Variants in PTPRD observed in about 807,000 individuals in gnomAD.
The protein encoded by PTPRD is protein tyrosine phosphatase receptor type D.
A neutral mutation model predicts 214.5 loss-of-function variants in PTPRD; 34 were observed. The observed-to-expected ratio is 0.16, with a 90% CI of 0.12 to 0.21. PTPRD has a LOEUF of 0.21. PTPRD is among the 10% of genes least tolerant of loss of function. The pLI, the probability that PTPRD is intolerant of heterozygous loss-of-function variation, is 1.00. For missense variants in PTPRD, 2,545 were observed against 2,398.7 expected, an observed-to-expected ratio of 1.06 and a Z score of -1.27; for synonymous variants, 1,128 against 845.7, an observed-to-expected ratio of 1.33 and a Z score of -5.79.
intron 11 of PTPRD, among the ~76,000 whole-genome samples, chr9:8,777,918 A>C (rs2095548810): frequency 6.6e-6 from 1 of 152,218 alleles, no homozygotes; most frequent in Non-Finnish European, 1.5e-5. Flanking sequence ...TCTATACAAC[A>C]GAAGAAATTT....
intron 2 of PTPRD, among the ~76,000 whole-genome samples, chr9:10,449,522 C>T (rs896461944): frequency 3.4e-4 from 49 of 144,934 alleles, no homozygotes; most frequent in Non-Finnish European, 5.5e-4. Context: ...GTGAGGAGCC[C>T]CTCTGCCCAG....
At chr9:10,054,551 T>C (rs1206257154) in intron 3 of PTPRD, among the ~76,000 whole-genome samples, 2 of 152,130 alleles carry the variant, frequency 1.3e-5, no homozygotes, top group Non-Finnish European at 2.9e-5. Flanking sequence ...CCTTTTGAGA[T>C]GTGAATCTCC....
intron 3 of PTPRD, among the ~76,000 whole-genome samples, chr9:10,223,777 G>A (rs1267503949): frequency 6.6e-6 from 1 of 150,384 alleles, no homozygotes; most frequent in Non-Finnish European, 1.5e-5. Context: ...GGTAACAGAA[G>A]CAAAAGAAAA....
chr9:10,523,070 T>C (rs1158378065), intron 2 of PTPRD, among the ~76,000 whole-genome samples: 6 of 152,084 alleles, frequency 3.9e-5, no homozygotes, highest in Non-Finnish European at 2.9e-5. Flanking sequence ...GGATGTATAA[T>C]TAATGCAGCC....
At chr9:9,432,821 C>A (rs2083727365) in intron 8 of PTPRD, among the ~76,000 whole-genome samples, 1 of 152,110 alleles carries the variant, frequency 6.6e-6, no homozygotes, top group South Asian at 2.1e-4. Context: ...TCTTATATTT[C>A]CTGTGGCATA....
intron 14 of PTPRD, among the ~76,000 whole-genome samples, chr9:8,555,522 T>C (rs550838278): frequency 8.5e-5 from 13 of 152,382 alleles, no homozygotes; most frequent in Middle Eastern, 6.8e-3. Context: ...TATTTCCCCA[T>C]GGGTAATTTG....
At chr9:9,966,891 G>T (rs2094742480) in intron 4 of PTPRD, among the ~76,000 whole-genome samples, 1 of 152,162 alleles carries the variant, frequency 6.6e-6, no homozygotes, top group Admixed American at 6.5e-5. Flanking sequence ...CATTTCCATT[G>T]TAGCAGGCAT....
chr9:9,713,077 T>C (rs1328280689), intron 7 of PTPRD, among the ~76,000 whole-genome samples: 2 of 152,202 alleles, frequency 1.3e-5, no homozygotes, highest in Non-Finnish European at 2.9e-5. Context: ...AATAATTGTA[T>C]ATGGGCAAGA....
intron 8 of PTPRD, among the ~76,000 whole-genome samples, chr9:9,407,072 T>G (rs529432237): frequency 5.9e-5 from 9 of 151,744 alleles, no homozygotes; most frequent in South Asian, 2.1e-4. Flanking sequence ...TAAAATACTG[T>G]TTTTGGATAA....
chr9:10,097,651 G>T (rs1001461946), intron 3 of PTPRD, among the ~76,000 whole-genome samples: 2 of 151,636 alleles, frequency 1.3e-5, no homozygotes, highest in African/African-American at 4.8e-5. Flanking sequence ...GAGACGATGG[G>T]GTTTTCTAGA....
chr9:9,260,037 G>C (rs181212632), intron 9 of PTPRD, among the ~76,000 whole-genome samples: 1 of 151,986 alleles, frequency 6.6e-6, no homozygotes, highest in African/African-American at 2.4e-5. Context: ...TCAGATAATG[G>C]AGAGAATGCC....
intron 35 of PTPRD, among the ~76,000 whole-genome samples, chr9:8,415,595 C>A (rs1250358835): frequency 6.6e-6 from 1 of 151,934 alleles, no homozygotes; most frequent in Non-Finnish European, 1.5e-5. Flanking sequence ...TTACACAATT[C>A]AACCATGATA....
At chr9:9,200,565 A>C (rs1042003705) in intron 9 of PTPRD, among the ~76,000 whole-genome samples, 45 of 152,210 alleles carry the variant, frequency 3.0e-4, no homozygotes, top group African/African-American at 1.0e-3. Context: ...TCAGAGAATA[A>C]AGCAATTTGC....
chr9:10,022,503 G>T (rs1052720532), intron 4 of PTPRD, among the ~76,000 whole-genome samples: 4 of 152,016 alleles, frequency 2.6e-5, no homozygotes, highest in African/African-American at 9.7e-5. Flanking sequence ...TTAGGTTGAT[G>T]CAAAAGTAAT....
chr9:8,805,903 G>C (rs1360289994), intron 11 of PTPRD, among the ~76,000 whole-genome samples: 1 of 148,062 alleles, frequency 6.8e-6, no homozygotes, highest in Non-Finnish European at 1.5e-5. Flanking sequence ...GCTGAGGCAG[G>C]AGAATGGCGT....
intron 6 of PTPRD, among the ~76,000 whole-genome samples, chr9:9,759,782 C>T (rs962491840): frequency 6.6e-6 from 1 of 152,048 alleles, no homozygotes; most frequent in East Asian, 1.9e-4. Flanking sequence ...TGGTCTCAAA[C>T]TCCTCACCTT....
intron 7 of PTPRD, among the ~76,000 whole-genome samples, chr9:9,607,485 T>C (rs1264737849): frequency 6.6e-6 from 1 of 152,134 alleles, no homozygotes; most frequent in Non-Finnish European, 1.5e-5. Context: ...CAAATAGCTA[T>C]GGTGAGGTGG....
rs1017310783 is a variant in PTPRD, at chr9:9,347,023, C to T, written c.-203+50426G>A. Among the ~76,000 whole-genome samples the T allele has an allele frequency of 2.4e-4, 36 of 151,958 alleles. 1 individual carries two copies. The highest frequency in any genetic ancestry group is 4.6e-4 in the Non-Finnish European group (31 of 67,990). ...CTTAATCTTAACACAGCCCCTGGGGCAGGTGTGTTGGCGCACGCTTGTAAC... is the reference window on the plus strand; with the variant it reads ...CTTAATCTTAACACAGCCCCTGGGGTAGGTGTGTTGGCGCACGCTTGTAAC... On this transcript the variant is annotated intron_variant, in intron 9 of 45. Coordinates refer to ENST00000381196, the MANE Select transcript of PTPRD (RefSeq NM_002839.4).
intron 3 of PTPRD, among the ~76,000 whole-genome samples, chr9:10,325,732 T>C (rs1924084): frequency 0.32 from 48,479 of 151,708 alleles, 8,995 homozygotes; most frequent in African/African-American, 0.51. Flanking sequence ...ACCTGTAAGA[T>C]ACATATCATA....
Sources: gnomAD v4.1 joint callset for allele counts (sites outside exome capture counted in the v4.1 genomes callset) on GRCh38, gnomAD v4.1.1 for gene constraint, MANE v1.5 for transcripts, NCBI Gene and HGNC (gene_info 2026-07-23, HGNC 2026-07-21) for gene names.